The following DPP4 variants were observed in gnomAD, a reference collection of about 807,000 sequenced individuals.
DPP4 encodes the protein dipeptidyl peptidase 4, also known as ADCP-2.
A neutral mutation model predicts 122.4 loss-of-function variants in DPP4; 93 were observed. That is an observed-to-expected ratio of 0.76 (90% CI 0.64 to 0.90). The LOEUF is 0.90. DPP4 is among the 40% of genes least tolerant of loss of function. The pLI is 0.00. For synonymous variants in DPP4, 321 were observed against 302.9 expected, an observed-to-expected ratio of 1.06 and a Z score of -0.62; for missense variants, 914 against 907.3, an observed-to-expected ratio of 1.01 and a Z score of -0.09.
chr2:162,023,314 C>G (rs1326631240), intron 11 of DPP4, among the ~76,000 whole-genome samples: 2 of 152,192 alleles, frequency 1.3e-5, no homozygotes, highest in Non-Finnish European at 2.9e-5. Context: ...TGCTGCTCTT[C>G]TCTGCTGACC....
chr2:162,037,293 G>A (rs557267285), intron 8 of DPP4, among the ~76,000 whole-genome samples: 1 of 152,198 alleles, frequency 6.6e-6, no homozygotes, highest in Non-Finnish European at 1.5e-5. Context: ...GCTTTGGAAA[G>A]AGGCCACTCT....
intron 10 of DPP4, 129 bp downstream of exon 10, chr2:162,033,412 G>A: frequency 1.6e-6 from 1 of 614,020 alleles, no homozygotes; most frequent in Non-Finnish European, 2.8e-6. Context: ...CTGAAGGAAA[G>A]AATGAATGAC....
At position 162,016,752 on chromosome 2, in the gene DPP4, A is replaced by T. The variant is rs201361209; in HGVS notation, c.1567+16T>A. 3.8e-6 allele frequency: 6 copies of T among 1,589,238 alleles called. No homozygotes were observed. Among genetic ancestry groups the T allele is most frequent in the Non-Finnish European group, 5.2e-6 (6 of 1,163,174 alleles). ...TGTTTCCATGAAAAGTACTATTCCA[A>T]AGGAATTTAACTTACTTGTTTCATT... On this transcript the variant is annotated intron_variant, in intron 18 of 25. Transcript: ENST00000360534.
At chr2:162,005,871 T>A in intron 22 of DPP4, 62 bp from the exon 23 acceptor site, 1 of 1,321,750 alleles carries the variant, frequency 7.6e-7, no homozygotes, top group Non-Finnish European at 1.1e-6. Context: ...TTCTTGCTTT[T>A]AATGGGCCAC....
At chr2:162,003,577 C>T (rs1326847927) in intron 23 of DPP4, among the ~76,000 whole-genome samples, 1 of 152,130 alleles carries the variant, frequency 6.6e-6, no homozygotes, top group East Asian at 1.9e-4. Context: ...TCATCATACA[C>T]CATGTTCAAG....
At chr2:162,049,149 G>T (rs1162796168) in intron 2 of DPP4, among the ~76,000 whole-genome samples, 4 of 152,178 alleles carry the variant, frequency 2.6e-5, no homozygotes, top group African/African-American at 9.7e-5. Context: ...TGGGGGACTG[G>T]GAAGCCAGTA....
In DPP4 at chr2:162,040,687, G is replaced by A. The variant is rs1311933097; in HGVS notation, c.367-1503C>T. On this transcript the variant is annotated intron_variant, in intron 5 of 25. Transcript: ENST00000360534. ...TAGATTTGTCAGAATCCACCATAAT[G>A]GTAGATACATGCCATATATTTGCCA... 2.6e-5 allele frequency among the ~76,000 whole-genome samples: 4 copies of A among 152,006 alleles called. No individual in the cohort carries two copies. The East Asian group carries it at 7.7e-4, about 29-fold the overall frequency.
At chr2:162,038,509 T>C (rs1683869053) in intron 7 of DPP4, 87 bp from the exon 8 acceptor site, 2 of 1,360,392 alleles carry the variant, frequency 1.5e-6, no homozygotes, top group Middle Eastern at 2.1e-4. Context: ...CTATTGCAAA[T>C]GTAAGGATTA....
chr2:162,065,362 A>G (rs1172199516), intron 2 of DPP4, among the ~76,000 whole-genome samples: 1 of 152,180 alleles, frequency 6.6e-6, no homozygotes, highest in East Asian at 1.9e-4. Context: ...CCATGAGATG[A>G]CATACTGGAG....
chr2:162,016,352 T>C (rs1333263327), intron 18 of DPP4, among the ~76,000 whole-genome samples: 1 of 152,230 alleles, frequency 6.6e-6, no homozygotes, highest in African/African-American at 2.4e-5. Flanking sequence ...ATTTATCTTC[T>C]GAGACTGAAG....
intron 23 of DPP4, among the ~76,000 whole-genome samples, chr2:162,001,232 A>G (rs1387048972): frequency 6.6e-6 from 1 of 152,170 alleles, no homozygotes; most frequent in African/African-American, 2.4e-5. Context: ...AAACCTGATA[A>G]CCCATGTAAA....
At chr2:162,053,123 G>C (rs2106142949) in intron 2 of DPP4, among the ~76,000 whole-genome samples, 1 of 152,352 alleles carries the variant, frequency 6.6e-6, no homozygotes, top group Non-Finnish European at 1.5e-5. Context: ...AGCCTGGCCT[G>C]ATCCTCCCCA....
chr2:162,011,981 T>G lies in DPP4; in HGVS notation c.1644A>C (p.Ala548=), dbSNP rs1358695908. The G allele has an allele frequency of 6.2e-7, 1 of 1,610,722 alleles. No individual in the cohort carries two copies. Among genetic ancestry groups the G allele is most frequent in the Non-Finnish European group, 8.5e-7 (1 of 1,178,212 alleles). ...TGTCTGCTTTTTGACTACATGGGCCTGCATACCTATGAAAAATACCAAATT... is the reference window on the plus strand; with the variant it reads ...TGTCTGCTTTTTGACTACATGGGCCGGCATACCTATGAAAAATACCAAATT... ...KKYPLLLDVY[A]GPCSQKADTV... The change falls in exon 20 of 26, where the codon GCA becomes GCC. Residue 548 remains alanine (A), a synonymous_variant. Coordinates refer to ENST00000360534, the MANE Select transcript of DPP4 (RefSeq NM_001935.4).
rs371916932 is a variant in DPP4 at position 162,038,494 on chromosome 2, C to A, written c.493-72G>T. On this transcript the variant is annotated intron_variant, in intron 7 of 25. Coordinates refer to ENST00000360534, the MANE Select transcript of DPP4 (RefSeq NM_001935.4). ...TTTTTATCCCGGAATTGTAGAAACA[C>A]TTATCTATTGCAAATGTAAGGATTA... The A allele has an allele frequency of 3.8e-5, 56 of 1,456,894 alleles. No homozygotes were observed. In the African/African-American group the frequency reaches 7.8e-4, roughly 20 times the overall value. 90.2% of individuals were successfully genotyped at this position (1,456,894 alleles called of 1,614,324 possible).
At chr2:162,019,553 G>C (rs887676960) in intron 14 of DPP4, among the ~76,000 whole-genome samples, 2 of 149,712 alleles carry the variant, frequency 1.3e-5, no homozygotes, top group African/African-American at 5.0e-5. Context: ...GAAGGCTTCT[G>C]TCAAAAAAAA....
At chr2:162,059,289 A>G (rs762633868) in intron 2 of DPP4, among the ~76,000 whole-genome samples, 16 of 152,166 alleles carry the variant, frequency 1.1e-4, no homozygotes, top group Admixed American at 2.6e-4. Flanking sequence ...TTTCTTGATA[A>G]GACTTTTCTG....
At chr2:162,049,223 C>T (rs548831229) in intron 2 of DPP4, among the ~76,000 whole-genome samples, 1 of 152,174 alleles carries the variant, frequency 6.6e-6, no homozygotes, top group Non-Finnish European at 1.5e-5. Flanking sequence ...ACAGAAAATG[C>T]TCTTTCAAAC....
chr2:161,994,294 A>G (rs1189645100), intron 25 of DPP4, among the ~76,000 whole-genome samples: 1 of 152,250 alleles, frequency 6.6e-6, no homozygotes. Context: ...AGAGCAAATC[A>G]TGTGTGTTAG....
At chr2:162,032,946 C>T (rs1429553952) in intron 10 of DPP4, among the ~76,000 whole-genome samples, 1 of 152,204 alleles carries the variant, frequency 6.6e-6, no homozygotes, top group Admixed American at 6.5e-5. Flanking sequence ...CTGCATTTCT[C>T]TAGGCCTTAC....
Sources: gnomAD v4.1 joint callset for allele counts (sites outside exome capture counted in the v4.1 genomes callset) on GRCh38, gnomAD v4.1.1 for gene constraint, MANE v1.5 for transcripts, NCBI Gene and HGNC (gene_info 2026-07-23, HGNC 2026-07-21) for gene names.